RPN1: variants seen among roughly 807,000 people sequenced by gnomAD.
The protein encoded by RPN1 is dolichyl-diphosphooligosaccharide--protein glycosyltransferase subunit 1.
A neutral mutation model predicts 55.5 loss-of-function variants in RPN1; 12 were observed. That is an observed-to-expected ratio of 0.22 (90% CI 0.14 to 0.35). The LOEUF (loss-of-function observed/expected upper bound fraction) is 0.35, where lower values mean the gene tolerates loss of function less well. Ranked by LOEUF, RPN1 falls within the 10% of genes least tolerant of loss-of-function variation. The probability of loss-of-function intolerance (pLI) is 1.00; values close to 1 mark genes in which losing one functional copy is unlikely to be tolerated. For synonymous variants in RPN1, 317 were observed against 305.9 expected (o/e 1.04, Z -0.38); for missense variants, 679 against 761.3 (o/e 0.89, Z 1.27).
intron 8 of RPN1, 51 bp downstream of exon 8, chr3:128,625,483 A>C: frequency 6.2e-7 from 1 of 1,613,550 alleles, no homozygotes; most frequent in East Asian, 2.2e-5. Flanking sequence ...CAAGCTGGTG[A>C]AATATTACCA....
At chr3:128,624,022 C>A (rs556357120) in intron 8 of RPN1, among the ~76,000 whole-genome samples, 1 of 151,936 alleles carries the variant, frequency 6.6e-6, no homozygotes, top group Non-Finnish European at 1.5e-5. Context: ...CACACACACA[C>A]AGTTATTCCT....
intron 1 of RPN1, 53 bp downstream of exon 1, chr3:128,650,487 A>G: frequency 1.4e-6 from 2 of 1,480,152 alleles, no homozygotes; most frequent in Non-Finnish European, 9.0e-7. Flanking sequence ...GACCGCCAGG[A>G]AGGGAGGCGG....
intron 2 of RPN1, among the ~76,000 whole-genome samples, chr3:128,641,448 T>G (rs1411601934): frequency 6.6e-6 from 1 of 152,098 alleles, no homozygotes; most frequent in Non-Finnish European, 1.5e-5. Flanking sequence ...GAAAGCCCAG[T>G]TAACTAAACA....
At chr3:128,628,554 A>G (rs1388798790) in intron 5 of RPN1, among the ~76,000 whole-genome samples, 2 of 151,442 alleles carry the variant, frequency 1.3e-5, no homozygotes, top group Non-Finnish European at 2.9e-5. Flanking sequence ...AGCTGAGACT[A>G]CAGGTGTGAG....
At chr3:128,630,725 AAAG>A (rs2069634973) in intron 4 of RPN1, among the ~76,000 whole-genome samples, 1 of 152,250 alleles carries the variant, frequency 6.6e-6, no homozygotes, top group African/African-American at 2.4e-5. Flanking sequence ...AAACACTACA[AAAG>A]AACAAAGAAA....
chr3:128,625,117 G>T (rs1175046069), intron 8 of RPN1, among the ~76,000 whole-genome samples: 1 of 152,138 alleles, frequency 6.6e-6, no homozygotes, highest in Admixed American at 6.5e-5. Flanking sequence ...GAGTGGGAGT[G>T]GGGAGAACGG....
At chr3:128,635,097 CAG>C (rs776792714) in intron 3 of RPN1, among the ~76,000 whole-genome samples, 10 of 152,046 alleles carry the variant, frequency 6.6e-5, no homozygotes, top group Non-Finnish European at 1.0e-4. Flanking sequence ...ACAGGAGGCA[CAG>C]AGACCCTCTC....
chr3:128,650,406 C>A, intron 1 of RPN1, 134 bp downstream of exon 1: 1 of 889,644 alleles, frequency 1.1e-6, no homozygotes. Flanking sequence ...TCCCACGGAC[C>A]CCCTGTGCCC....
chr3:128,625,741 C>G, intron 7 of RPN1, 88 bp from the exon 8 acceptor site: 5 of 1,591,100 alleles, frequency 3.1e-6, no homozygotes, highest in Non-Finnish European at 4.3e-6. Flanking sequence ...GACCTGCTGC[C>G]CCACCCCAAG....
Position 128,620,431 on chromosome 3 carries a change from G to A in RPN1, c.1804C>T (p.His602Tyr), listed in dbSNP as rs1363669516. The change falls in exon 10 of 10, where the codon CAC (histidine) becomes TAC (tyrosine). Residue 602 changes from histidine to tyrosine, a missense_variant. Around this residue, in one of 3 missense-constraint regions of RPN1, gnomAD observed 306 missense variants for 360.0 expected, o/e 0.85. Coordinates refer to ENST00000296255, the MANE Select transcript of RPN1 (RefSeq NM_002950.4). ...KRQELVTKID[H>Y]ILDAL ...AGGGGCTACAGGGCATCCAGGATGT[G>A]GTCGATCTTGGTGACCAGCTCCTGG... The A allele has an allele frequency of 6.2e-7, 1 of 1,613,798 alleles. No homozygotes were observed. Among genetic ancestry groups the A allele is most frequent in the Non-Finnish European group, 8.5e-7 (1 of 1,179,824 alleles).
Position 128,632,119 on chromosome 3 carries a change from G to C in RPN1, c.672C>G (p.Phe224Leu). The C allele has an allele frequency of 6.2e-7, 1 of 1,614,192 alleles. No individual in the cohort carries two copies. The highest frequency in any genetic ancestry group is 8.5e-7 in the Non-Finnish European group (1 of 1,180,038). The stretch of plus-strand genomic sequence containing the variant: ...CTCGGGTCATGCTGGTGATGGTCAG[G>C]AAAGGGCTGTTGTTCTCATAATGTA... The part of the protein sequence containing the change: ...FKVHYENNSP[F>L]LTITSMTRVI... Residue 224 changes from phenylalanine (F) to leucine (L), a missense_variant, in exon 4 of 10, where the codon TTC becomes TTG. Coordinates refer to ENST00000296255, the MANE Select transcript of RPN1 (RefSeq NM_002950.4).
intron 2 of RPN1, chr3:128,644,657 A>G (rs917439207): frequency 1.7e-4 from 36 of 210,596 alleles, no homozygotes; most frequent in Non-Finnish European, 3.2e-4. Flanking sequence ...CTGTCTCAAG[A>G]AAAAAAAAAA....
chr3:128,632,277 T>C, intron 3 of RPN1, 120 bp from the exon 4 acceptor site: 3 of 793,962 alleles, frequency 3.8e-6, no homozygotes, highest in Non-Finnish European at 6.1e-6. Context: ...TTATGATGTA[T>C]CTAACGTATG....
At position 128,620,522 on chromosome 3, in the gene RPN1, GC is replaced by G. The variant is rs1471918613; in HGVS notation, c.1712del (p.Arg571ProfsTer72). 6.2e-7 allele frequency: 1 copy of G among 1,614,066 alleles called. No individual in the cohort carries two copies. Among genetic ancestry groups the G allele is most frequent in the South Asian group, 1.1e-5 (1 of 91,064 alleles). On this transcript the variant is annotated frameshift_variant, in exon 10 of 10. Transcript: ENST00000296255. LOFTEE classifies it high-confidence loss of function. ...CTTTCTTGAGCTTGCCAGCCACCAGGCGCTCAGCCTCCACCGCCGACTTCAG... is the reference window on the plus strand; with the variant it reads ...CTTTCTTGAGCTTGCCAGCCACCAGGGCTCAGCCTCCACCGCCGACTTCAG... ...LVLKSAVEAERLVAGKLKKDT... is the reference protein window; with the variant it reads ...LVLKSAVEAEXLVAGKLKKDT...
At chr3:128,637,705 C>T in intron 3 of RPN1, 94 bp downstream of exon 3, 1 of 1,297,710 alleles carries the variant, frequency 7.7e-7, no homozygotes, top group Non-Finnish European at 1.1e-6. Flanking sequence ...CAGATTTCAT[C>T]CACCCCACAC....
At chr3:128,637,695 C>T in intron 3 of RPN1, 104 bp downstream of exon 3, 1 of 1,174,926 alleles carries the variant, frequency 8.5e-7, no homozygotes, top group Non-Finnish European at 1.2e-6. Context: ...GAAATGACTG[C>T]AGATTTCATC....
intron 1 of RPN1, 104 bp downstream of exon 1, chr3:128,650,436 C>T (rs2069808544): frequency 1.6e-6 from 2 of 1,215,022 alleles, no homozygotes; most frequent in Non-Finnish European, 2.2e-6. Flanking sequence ...CCCGGGTCTC[C>T]GCATTTCCTG....
At chr3:128,650,029 G>T (rs1259277949) in intron 1 of RPN1, among the ~76,000 whole-genome samples, 6 of 152,206 alleles carry the variant, frequency 3.9e-5, no homozygotes, top group Non-Finnish European at 7.3e-5. Context: ...ACCAGATACT[G>T]AATTAAGAGA....
intron 2 of RPN1, among the ~76,000 whole-genome samples, chr3:128,643,067 C>A (rs185316288): frequency 6.6e-6 from 1 of 151,742 alleles, no homozygotes; most frequent in Admixed American, 6.6e-5. Flanking sequence ...TGGCTCACAC[C>A]TGTAATCCCA....
Sources: gnomAD v4.1 joint callset for allele counts (sites outside exome capture counted in the v4.1 genomes callset) on GRCh38, gnomAD v4.1.1 for gene constraint, gnomAD v4.1.1 regional missense constraint, MANE v1.5 for transcripts, NCBI Gene and HGNC (gene_info 2026-07-23, HGNC 2026-07-21) for gene names.